Variants in MPHOSPH9 observed in about 807,000 individuals in gnomAD.
MPHOSPH9 encodes the protein M-phase phosphoprotein 9.
Under a neutral mutation model 145.5 loss-of-function variants are expected in MPHOSPH9, and 88 were observed. That is an observed-to-expected ratio of 0.60 (90% confidence interval 0.51 to 0.72). The LOEUF (loss-of-function observed/expected upper bound fraction) is 0.72. MPHOSPH9 is among the 30% of genes least tolerant of loss of function. The pLI is 0.00. For synonymous variants in MPHOSPH9, 435 were observed against 486.2 expected (o/e 0.89, Z 1.39); for missense variants, 1,238 against 1,386.6 (o/e 0.89, Z 1.70).
At chr12:123,198,809 C>CAAAAAAAAAAAAA (rs35259138) in intron 11 of MPHOSPH9, among the ~76,000 whole-genome samples, 1 of 48,532 alleles carries the variant, frequency 2.1e-5, no homozygotes, top group Non-Finnish European at 3.1e-5. Context: ...GAACCTGTCT[C>CAAAAAAAAAAAAA]AAAAAAAAAA....
chr12:123,199,571 G>A (rs1185333364), intron 11 of MPHOSPH9, among the ~76,000 whole-genome samples: 2 of 151,952 alleles, frequency 1.3e-5, no homozygotes. Context: ...ACAAGGTCAG[G>A]AGATCGAGAC....
intron 7 of MPHOSPH9, among the ~76,000 whole-genome samples, chr12:123,212,185 G>A (rs1034987379): frequency 3.3e-5 from 5 of 152,094 alleles, no homozygotes; most frequent in Non-Finnish European, 5.9e-5. Context: ...ATGTAGTGGG[G>A]GGTGCGATGG....
intron 12 of MPHOSPH9, among the ~76,000 whole-genome samples, chr12:123,197,651 A>G (rs964307985): frequency 2.6e-5 from 4 of 151,970 alleles, no homozygotes; most frequent in African/African-American, 9.6e-5. Context: ...GCACGGTGGC[A>G]TGCACCTGTA....
intron 23 of MPHOSPH9, 39 bp downstream of exon 23, chr12:123,160,742 A>G: frequency 6.3e-7 from 1 of 1,586,802 alleles, no homozygotes. Flanking sequence ...ACTGACTGGC[A>G]TCAAGCCTCT....
upstream of MPHOSPH9, among the ~76,000 whole-genome samples, chr12:123,236,874 A>G (rs1286701366): frequency 6.6e-6 from 1 of 150,742 alleles, no homozygotes; most frequent in East Asian, 1.9e-4. Context: ...GCCTGAGGTC[A>G]GGAGTTCAAC....
At chr12:123,239,956 T>C (rs1015208724) in intron 1 of MPHOSPH9, among the ~76,000 whole-genome samples, 19 of 152,196 alleles carry the variant, frequency 1.2e-4, no homozygotes, top group Middle Eastern at 3.4e-3. Context: ...CATCAAGCAA[T>C]GAACAGTCCT....
rs139869674 is a variant in MPHOSPH9, at chr12:123,218,246, CA to C, written c.996+129del. 538 of 1,338,744 alleles carry C rather than the reference CA, an allele frequency of 4.0e-4. 2 individuals are homozygous for C. The highest frequency in any genetic ancestry group is 2.3e-3 in the South Asian group (159 of 68,134). The allele number at this position is 1,338,744 out of a possible 1,614,324, so 82.9% of individuals were successfully genotyped here. A position where few individuals can be genotyped will look rare whatever the true frequency, so the allele number is the denominator to read the frequency against. On this transcript the variant is annotated intron_variant, in intron 6 of 23. Transcript: ENST00000606320. ...AAACTCCGTCTCAAAAAAACAACAA[CA>C]AAAAAAATGTATAAATGAACAAATT... is the stretch of plus-strand genomic sequence containing the variant.
At chr12:123,168,515 T>C (rs1185623521) in intron 16 of MPHOSPH9, among the ~76,000 whole-genome samples, 3 of 151,634 alleles carry the variant, frequency 2.0e-5, no homozygotes, top group Non-Finnish European at 4.4e-5. Flanking sequence ...CTAATTTTTT[T>C]GTATTTTTAG....
intron 6 of MPHOSPH9, 147 bp downstream of exon 6, chr12:123,218,229 T>C: frequency 8.8e-7 from 1 of 1,135,308 alleles, no homozygotes; most frequent in Non-Finnish European, 1.2e-6. Context: ...CGAAACTCCG[T>C]CTCAAAAAAA....
At chr12:123,168,946 G>A (rs1381965595) in intron 16 of MPHOSPH9, among the ~76,000 whole-genome samples, 6 of 150,906 alleles carry the variant, frequency 4.0e-5, no homozygotes, top group Admixed American at 1.3e-4. Context: ...GTGCAGTGGC[G>A]CGATCTCGGC....
Position 123,214,731 on chromosome 12 carries a change from G to A in MPHOSPH9, c.1087+13C>T. 6.3e-7 allele frequency: 1 copy of A among 1,587,890 alleles called. No homozygotes were observed. Among genetic ancestry groups the A allele is most frequent in the Non-Finnish European group, 8.6e-7 (1 of 1,159,204 alleles). ...AGTTTAGGTTAAAAAAAATAAAAAT[G>A]TAAGTATCATACCTGTTCCTGAATC... is the stretch of plus-strand genomic sequence containing the variant. On this transcript the variant is annotated intron_variant, in intron 7 of 23. Transcript: ENST00000606320.
At chr12:123,166,140 C>T (rs577985815) in intron 17 of MPHOSPH9, among the ~76,000 whole-genome samples, 1 of 152,320 alleles carries the variant, frequency 6.6e-6, no homozygotes, top group East Asian at 1.9e-4. Context: ...AGGTCTCACT[C>T]TGTCACCCAG....
intron 13 of MPHOSPH9, among the ~76,000 whole-genome samples, chr12:123,191,888 T>C (rs2045691000): frequency 6.6e-6 from 1 of 152,174 alleles, no homozygotes; most frequent in Admixed American, 6.6e-5. Context: ...CAATCTTCTT[T>C]ACTGATATAA....
chr12:123,168,336 ACTTT>A (rs1388479030), intron 16 of MPHOSPH9, among the ~76,000 whole-genome samples: 5 of 141,806 alleles, frequency 3.5e-5, no homozygotes, highest in African/African-American at 5.3e-5. Context: ...TGGCAACATG[ACTTT>A]CTTTTTTTTT....
intron 2 of MPHOSPH9, 200 bp downstream of exon 2, chr12:123,230,061 A>G (rs1405181104): frequency 2.7e-6 from 1 of 374,548 alleles, no homozygotes; most frequent in Non-Finnish European, 4.9e-6. Context: ...GCCTCAGGTG[A>G]TCCACCCGCC....
chr12:123,230,685 T>A (rs1022856280), intron 1 of MPHOSPH9, among the ~76,000 whole-genome samples, 163 bp from the exon 2 acceptor site: 1 of 152,144 alleles, frequency 6.6e-6, no homozygotes, highest in African/African-American at 2.4e-5. Flanking sequence ...CAAATGTCCA[T>A]CAATGGATAA....
At chr12:123,209,567 C>G (rs1472727592) in intron 8 of MPHOSPH9, among the ~76,000 whole-genome samples, 1 of 151,628 alleles carries the variant, frequency 6.6e-6, no homozygotes, top group Non-Finnish European at 1.5e-5. Flanking sequence ...GCCACCAAGT[C>G]TGGTTAATTT....
At chr12:123,185,561 T>C (rs762913026) in intron 13 of MPHOSPH9, among the ~76,000 whole-genome samples, 1 of 152,030 alleles carries the variant, frequency 6.6e-6, no homozygotes, top group Middle Eastern at 3.4e-3. Flanking sequence ...AAGAGCAACA[T>C]AGTGAGACCG....
intron 15 of MPHOSPH9, 111 bp from the exon 16 acceptor site, chr12:123,176,900 G>C: frequency 1.2e-6 from 1 of 801,550 alleles, no homozygotes; most frequent in African/African-American, 1.7e-5. Context: ...TAAAAGAGTT[G>C]CAAGTCCATG....
Sources: allele counts gnomAD v4.1 joint callset (sites outside exome capture counted in the v4.1 genomes callset), GRCh38; gene constraint gnomAD v4.1.1; transcripts MANE v1.5; gene names NCBI Gene and HGNC (gene_info 2026-07-23, HGNC 2026-07-21).